The following TRIP11 variants were observed in gnomAD, a reference collection of about 807,000 sequenced individuals.
TRIP11 encodes the protein thyroid hormone receptor interactor 11.
TRIP11 carries 148 observed loss-of-function variants against 223.1 expected under a neutral mutation model. The observed-to-expected ratio is 0.66, with a 90% confidence interval of 0.58 to 0.76. TRIP11 has a LOEUF of 0.76. Ranked by LOEUF, TRIP11 falls within the 30% of genes least tolerant of loss-of-function variation. The probability of loss-of-function intolerance (pLI) is 0.00; values close to 1 mark genes in which losing one functional copy is unlikely to be tolerated. For synonymous variants in TRIP11, 762 were observed against 772.6 expected, an observed-to-expected ratio of 0.99 and a Z score of 0.23; for missense variants, 2,043 against 2,222.0, an observed-to-expected ratio of 0.92 and a Z score of 1.62.
intron 5 of TRIP11, among the ~76,000 whole-genome samples, 171 bp from the exon 6 acceptor site, chr14:92,016,032 A>T (rs2057031532): frequency 6.6e-6 from 1 of 152,158 alleles, no homozygotes; most frequent in African/African-American, 2.4e-5. Context: ...GAACAACTTC[A>T]CCCTTTCCTT....
At chr14:91,995,673 T>A (rs1566853667) in intron 13 of TRIP11, among the ~76,000 whole-genome samples, 158 bp from the exon 14 acceptor site, 1 of 151,734 alleles carries the variant, frequency 6.6e-6, no homozygotes, top group Non-Finnish European at 1.5e-5. Flanking sequence ...TGGAGTGCAG[T>A]GGCACAATCT....
At position 91,976,645 on chromosome 14, in the gene TRIP11, A is replaced by G. The variant is rs117977393; in HGVS notation, c.5261-456T>C. On this transcript the variant is annotated intron_variant, in intron 16 of 20. Coordinates refer to ENST00000267622, the MANE Select transcript of TRIP11 (RefSeq NM_004239.4). The stretch of plus-strand genomic sequence containing the variant: ...CTGACTAAGAAGCGTATCTAACACA[A>G]CTAAGACCATGGCTCAGGATGCAGT... Among the ~76,000 whole-genome samples, 272 of 152,304 alleles carry G rather than the reference A, an allele frequency of 1.8e-3. 1 individual carries two copies. Among genetic ancestry groups the G allele is most frequent in the Non-Finnish European group, 3.1e-3 (211 of 68,014 alleles).
rs773542454 is a variant in TRIP11 at position 91,999,364 on chromosome 14, C to G, written c.4768G>C (p.Glu1590Gln). The change falls in exon 13 of 21, where the codon GAA becomes CAA. Residue 1590 changes from glutamate (E) to glutamine (Q), a missense_variant. Transcript: ENST00000267622. ...ELERLRNHLL[E>Q]SEDSYTREAL... ...TCACGGGTATAAGAATCTTCTGATT[C>G]TAAAAGATGATTACGCAATCTCTCT... is the stretch of plus-strand genomic sequence containing the variant. 5.0e-6 allele frequency: 8 copies of G among 1,613,808 alleles called. No homozygotes were observed. Among genetic ancestry groups the G allele is most frequent in the Non-Finnish European group, 6.8e-6 (8 of 1,179,930 alleles).
intron 2 of TRIP11, among the ~76,000 whole-genome samples, chr14:92,028,939 A>G (rs1010769092): frequency 1.7e-4 from 26 of 152,344 alleles, no homozygotes; most frequent in Non-Finnish European, 1.5e-5. Context: ...AAAACTTGAT[A>G]TTTATGATTT....
Position 91,967,683 on chromosome 14 carries a change from A to G in TRIP11, c.*1990T>C, listed in dbSNP as rs755807809. The G allele has an allele frequency of 3.3e-4, 64 of 194,186 alleles. No homozygotes were observed. The highest frequency in any genetic ancestry group is 6.2e-4 in the Non-Finnish European group (58 of 93,284). 12.0% of individuals were successfully genotyped at this position (194,186 alleles called of 1,614,324 possible). ...ACCATGCATCTCTTTTTCAAATTAA[A>G]AGAGAAAACTTTTTACATATTCTAT... On this transcript the variant is annotated 3_prime_UTR_variant, in exon 21 of 21. Transcript: ENST00000267622.
chr14:91,983,074 T>C (rs2056564084), intron 16 of TRIP11, among the ~76,000 whole-genome samples: 2 of 152,236 alleles, frequency 1.3e-5, no homozygotes, highest in African/African-American at 2.4e-5. Context: ...GCTATACCTA[T>C]TCACCATTCA....
In TRIP11 at chr14:91,999,433, C is replaced by A; in HGVS notation, c.4699G>T (p.Val1567Phe). The change falls in exon 13 of 21, where the codon GTT becomes TTT. Residue 1567 changes from valine to phenylalanine, a missense_variant and splice_region_variant. Physicochemically the swap from Val to Phe is conservative, Grantham distance 50. Transcript: ENST00000267622. Reference protein sequence around the residue: ...QMENTALQNEVQRLRDKEFRS... With the variant: ...QMENTALQNEFQRLRDKEFRS... ...AATTCTTTGTCACGTAAACGTTGAA[C>A]CTAGGTAGAGGACATTATTTTTCTT... The A allele has an allele frequency of 7.4e-6, 12 of 1,613,580 alleles. No individual in the cohort carries two copies. The highest frequency in any genetic ancestry group is 1.0e-5 in the Non-Finnish European group (12 of 1,179,820).
At chr14:91,995,541 A>G in intron 13 of TRIP11, 26 bp from the exon 14 acceptor site, 1 of 1,613,434 alleles carries the variant, frequency 6.2e-7, no homozygotes, top group Non-Finnish European at 8.5e-7. Flanking sequence ...ATAAAAGTCA[A>G]ACTGCTTCAT....
Position 92,006,353 on chromosome 14 carries a change from C to T in TRIP11, c.1623G>A (p.Lys541=), listed in dbSNP as rs1595389757. The T allele has an allele frequency of 1.2e-5, 20 of 1,612,032 alleles. No individual in the cohort carries two copies. The East Asian group carries it at 4.5e-4, about 36-fold the overall frequency. The change falls in exon 11 of 21, where the codon AAG becomes AAA. Residue 541 remains lysine, a synonymous_variant. Transcript: ENST00000267622. ...KLKQDLNDEK[K]RVHQLEDDKM... ...TATCATCTTCAAGTTGATGAACTCT[C>T]TTTTTTTCATCATTTAGATCTTGTT...
chr14:92,039,727 GA>G lies in TRIP11; in HGVS notation c.-43del. ...AACGACCCGGTCCGCTCGGAAAAAAGAAAACGTTTAGCGCCGCCGGGCGATC... is the reference window on the plus strand; with the variant it reads ...AACGACCCGGTCCGCTCGGAAAAAAGAAACGTTTAGCGCCGCCGGGCGATC... On this transcript the variant is annotated 5_prime_UTR_variant, in exon 1 of 21. Transcript: ENST00000267622. The G allele has an allele frequency of 6.3e-7, 1 of 1,595,034 alleles. No homozygotes were observed. The highest frequency in any genetic ancestry group is 8.5e-7 in the Non-Finnish European group (1 of 1,170,658).
chr14:92,014,513 A>G lies in TRIP11; in HGVS notation c.888T>C (p.Val296=), dbSNP rs1313373874. 5.6e-6 allele frequency: 9 copies of G among 1,599,210 alleles called. No individual in the cohort carries two copies. The highest frequency in any genetic ancestry group is 7.6e-6 in the Non-Finnish European group (9 of 1,176,522). The change falls in exon 7 of 21, where the codon GTT becomes GTC. Residue 296 remains valine (V), a synonymous_variant. Transcript: ENST00000267622. Reference sequence around the variant, plus strand: ...TAGACTCCACTTTTTCTATTTGTAGAACTTGAATAGTTTTTTGCATCTCAT... The same window carrying G: ...TAGACTCCACTTTTTCTATTTGTAGGACTTGAATAGTTTTTTGCATCTCAT... ...KIYEMQKTIQ[V]LQIEKVESTK...
At position 91,999,987 on chromosome 14, in the gene TRIP11, T is replaced by G. The variant is rs142039167; in HGVS notation, c.4679A>C (p.Asn1560Thr). Residue 1560 changes from asparagine (N) to threonine (T), a missense_variant, in exon 12 of 21, where the codon AAT (asparagine) becomes ACT (threonine). Physicochemically the swap from Asn to Thr is moderately conservative, Grantham distance 65 (BLOSUM62 0). Transcript: ENST00000267622. ...MLALKQKQME[N>T]TALQNEVQRL... ...GTATACCTCATTCTGTAGGGCAGTA[T>G]TTTCCATTTGTTTTTGTTTCAGGGC... 1 of 1,613,860 alleles carries G rather than the reference T, an allele frequency of 6.2e-7. No homozygotes were observed. Among genetic ancestry groups the G allele is most frequent in the African/African-American group, 1.3e-5 (1 of 74,920 alleles).
intron 16 of TRIP11, among the ~76,000 whole-genome samples, chr14:91,979,258 A>C (rs1180483232): frequency 1.9e-5 from 1 of 51,648 alleles, no homozygotes; most frequent in African/African-American, 8.0e-5. Flanking sequence ...CCCTGTCTCC[A>C]AAAAAAAAAA....
At chr14:92,026,663 C>T in intron 2 of TRIP11, 1 of 1,086,422 alleles carries the variant, frequency 9.2e-7, no homozygotes, top group African/African-American at 1.5e-5. Context: ...GGAAGAGACG[C>T]CCCTGCTGAC....
Position 92,006,013 on chromosome 14 carries a change from T to G in TRIP11, c.1963A>C (p.Lys655Gln). 1 of 1,591,920 alleles carries G rather than the reference T, an allele frequency of 6.3e-7. No individual in the cohort carries two copies. Among genetic ancestry groups the G allele is most frequent in the Non-Finnish European group, 8.5e-7 (1 of 1,172,738 alleles). The change falls in exon 11 of 21, where the codon AAG becomes CAG. Residue 655 changes from lysine to glutamine, a missense_variant. Transcript: ENST00000267622. ...TGTTCTAATTCTGAAAGATTTTGCT[T>G]TAAGTTTCTAACTTCAGCTTCTCTT... ...KEREAEVRNLKQNLSELEQLN... is the reference protein window; with the variant it reads ...KEREAEVRNLQQNLSELEQLN...
Position 91,976,166 on chromosome 14 carries a change from C to T in TRIP11, c.5284G>A (p.Asp1762Asn). ...RQNELRQEML[D>N]DVQKKLMSLA... The stretch of plus-strand genomic sequence containing the variant: ...CTCATCAATTTCTTTTGTACATCAT[C>T]CAGCATTTCTTGTCGGAGCTCATCT... Residue 1762 changes from aspartate to asparagine, a missense_variant, in exon 17 of 21, where the codon GAT (aspartate) becomes AAT (asparagine). Transcript: ENST00000267622. The T allele has an allele frequency of 6.2e-7, 1 of 1,612,378 alleles. No individual in the cohort carries two copies. The highest frequency in any genetic ancestry group is 8.5e-7 in the Non-Finnish European group (1 of 1,179,754).
At chr14:91,995,590 A>G in intron 13 of TRIP11, 75 bp from the exon 14 acceptor site, 1 of 1,385,312 alleles carries the variant, frequency 7.2e-7, no homozygotes, top group East Asian at 2.4e-5. Flanking sequence ...CACCTTCCCT[A>G]CATCTTATTA....
intron 11 of TRIP11, among the ~76,000 whole-genome samples, chr14:92,001,854 G>A (rs1258592920): frequency 6.6e-6 from 1 of 152,144 alleles, no homozygotes; most frequent in African/African-American, 2.4e-5. Flanking sequence ...TTATAGACCA[G>A]TACCATTAAA....
chr14:92,009,417 AAGG>A (rs1166427836), intron 9 of TRIP11, among the ~76,000 whole-genome samples: 1 of 152,172 alleles, frequency 6.6e-6, no homozygotes, highest in African/African-American at 2.4e-5. Flanking sequence ...CATCAAAAGA[AAGG>A]AGAAACAGCT....
Sources: gnomAD v4.1 joint callset for allele counts (sites outside exome capture counted in the v4.1 genomes callset) on GRCh38, gnomAD v4.1.1 for gene constraint, MANE v1.5 for transcripts, NCBI Gene and HGNC (gene_info 2026-07-23, HGNC 2026-07-21) for gene names.